Variants in ESRRG observed in about 807,000 individuals in gnomAD.
The protein encoded by ESRRG is estrogen related receptor gamma.
Under a neutral mutation model 44.0 loss-of-function variants are expected in ESRRG, and 13 were observed. The observed-to-expected ratio is 0.30, with a 90% CI of 0.19 to 0.47. The LOEUF is 0.47. Ranked by LOEUF, ESRRG falls within the 20% of genes least tolerant of loss-of-function variation. The pLI, the probability that ESRRG is intolerant of heterozygous loss-of-function variation, is 1.00. For synonymous variants in ESRRG, 215 were observed against 214.6 expected (o/e 1.00, Z -0.02); for missense variants, 395 against 580.6 (o/e 0.68, Z 3.29).
upstream of ESRRG, among the ~76,000 whole-genome samples, chr1:217,090,015 A>G (rs747944518): frequency 6.0e-4 from 92 of 152,176 alleles, no homozygotes; most frequent in Non-Finnish European, 9.3e-4. Context: ...CTCTTTTTAA[A>G]AATAAATATC....
chr1:217,119,054 CACAGAT>C (rs1234599009), intron 1 of ESRRG, among the ~76,000 whole-genome samples: 1 of 151,384 alleles, frequency 6.6e-6, no homozygotes, highest in Non-Finnish European at 1.5e-5. Flanking sequence ...TAGATAGAGA[CACAGAT>C]ACAGATACAG....
At chr1:216,767,183 A>G (rs1361280359) in intron 2 of ESRRG, among the ~76,000 whole-genome samples, 2 of 152,106 alleles carry the variant, frequency 1.3e-5, no homozygotes, top group African/African-American at 4.8e-5. Context: ...AACTATCCGT[A>G]GTTAACAAGG....
At chr1:216,612,716 C>G (rs2060842218) in intron 3 of ESRRG, among the ~76,000 whole-genome samples, 1 of 152,184 alleles carries the variant, frequency 6.6e-6, no homozygotes, top group African/African-American at 2.4e-5. Context: ...AATAAAAACT[C>G]AGGTTCTTCC....
At chr1:216,851,794 A>AT (rs993223626) in intron 2 of ESRRG, among the ~76,000 whole-genome samples, 8 of 152,282 alleles carry the variant, frequency 5.3e-5, no homozygotes, top group Admixed American at 1.3e-4. Flanking sequence ...GGATCCTTTT[A>AT]TTTTTTCCTG....
At chr1:217,114,667 CTTTTTTTTTT>C (rs139701773) in intron 1 of ESRRG, among the ~76,000 whole-genome samples, 1 of 107,254 alleles carries the variant, frequency 9.3e-6, no homozygotes, top group Non-Finnish European at 1.8e-5. Flanking sequence ...CAAAAGATTT[CTTTTTTTTTT>C]TTTTTTTTTT....
intron 1 of ESRRG, among the ~76,000 whole-genome samples, chr1:217,042,810 G>T (rs1188179530): frequency 6.6e-6 from 1 of 152,088 alleles, no homozygotes; most frequent in African/African-American, 2.4e-5. Flanking sequence ...ATTTGGCAAG[G>T]AGTGGTGAAC....
chr1:216,774,685 A>C (rs774966845), intron 2 of ESRRG, among the ~76,000 whole-genome samples: 15 of 152,116 alleles, frequency 9.9e-5, no homozygotes, highest in Non-Finnish European at 1.6e-4. Context: ...CACTAAATCC[A>C]CACTCTGATT....
chr1:216,645,391 T>C (rs1227844554), intron 3 of ESRRG, among the ~76,000 whole-genome samples: 1 of 152,086 alleles, frequency 6.6e-6, no homozygotes, highest in Non-Finnish European at 1.5e-5. Context: ...TGTCATATAT[T>C]GGAATAATGT....
intron 2 of ESRRG, among the ~76,000 whole-genome samples, chr1:216,662,462 G>A (rs538817731): frequency 2.0e-5 from 3 of 152,124 alleles, no homozygotes; most frequent in Non-Finnish European, 4.4e-5. Context: ...GGCGAGGAAA[G>A]CCCAGAAAAC....
At chr1:217,133,152 T>C (rs1415325272) in intron 1 of ESRRG, among the ~76,000 whole-genome samples, 1 of 152,196 alleles carries the variant, frequency 6.6e-6, no homozygotes, top group African/African-American at 2.4e-5. Flanking sequence ...TAGAAAGCTA[T>C]GGCCAGCATT....
At chr1:216,523,501 T>G (rs200728902) in intron 5 of ESRRG, among the ~76,000 whole-genome samples, 3 of 74,354 alleles carry the variant, frequency 4.0e-5, no homozygotes, top group East Asian at 9.7e-4. Flanking sequence ...TTTTTTTTTT[T>G]GTTTTTTTTT....
intron 2 of ESRRG, among the ~76,000 whole-genome samples, chr1:216,821,692 AT>A (rs66516434): frequency 0.32 from 16,703 of 52,542 alleles, 3,838 homozygotes; most frequent in African/African-American, 0.43. Context: ...CTCAGGAAAA[AT>A]AAATAAATAA....
intron 2 of ESRRG, among the ~76,000 whole-genome samples, chr1:216,876,799 G>T (rs780820987): frequency 2.0e-5 from 3 of 152,004 alleles, no homozygotes; most frequent in Non-Finnish European, 4.4e-5. Context: ...TGACCTACCC[G>T]CAGTCATGTT....
At chr1:216,578,239 T>C (rs896022759) in intron 3 of ESRRG, among the ~76,000 whole-genome samples, 1 of 152,110 alleles carries the variant, frequency 6.6e-6, no homozygotes, top group Non-Finnish European at 1.5e-5. Flanking sequence ...AAGCGAGAGA[T>C]GTCTTGTTAC....
At chr1:216,929,403 A>C (rs1334455684) in intron 2 of ESRRG, among the ~76,000 whole-genome samples, 2 of 152,232 alleles carry the variant, frequency 1.3e-5, no homozygotes, top group Non-Finnish European at 2.9e-5. Flanking sequence ...CAAAAAGGCA[A>C]TACATCTCCC....
Position 216,829,619 on chromosome 1 carries a change from A to T in ESRRG, c.-14+109963T>A, listed in dbSNP as rs1577015341. Among the ~76,000 whole-genome samples, 5 of 147,902 alleles carry T rather than the reference A, an allele frequency of 3.4e-5. No individual in the cohort carries two copies. The Admixed American group carries it at 3.4e-4, about 10-fold the overall frequency. On this transcript the variant is annotated intron_variant, in intron 2 of 7. Coordinates refer to the ESRRG transcript ENST00000359162. ...GCCCAGGCTGGAATGCAGTGGCGCC[A>T]TCTTGGCTCACTCCAACCTCCGCCT...
chr1:216,991,124 C>T (rs567322309), intron 1 of ESRRG, among the ~76,000 whole-genome samples: 11 of 152,100 alleles, frequency 7.2e-5, no homozygotes, highest in African/African-American at 2.2e-4. Flanking sequence ...ATCTAGTTTG[C>T]GTGCTCCTTA....
intron 2 of ESRRG, among the ~76,000 whole-genome samples, chr1:216,782,499 T>C (rs2093971879): frequency 6.6e-6 from 1 of 152,110 alleles, no homozygotes. Context: ...CTCAATCACC[T>C]TTTAACTTAT....
At chr1:216,961,814 GAGA>G (rs2069152110) in intron 1 of ESRRG, among the ~76,000 whole-genome samples, 1 of 151,972 alleles carries the variant, frequency 6.6e-6, no homozygotes, top group South Asian at 2.1e-4. Flanking sequence ...TCAATTGAAC[GAGA>G]AGGTCATTGA....
Sources: gnomAD v4.1 joint callset for allele counts (sites outside exome capture counted in the v4.1 genomes callset) on GRCh38, gnomAD v4.1.1 for gene constraint, MANE v1.5 for transcripts, NCBI Gene and HGNC (gene_info 2026-07-23, HGNC 2026-07-21) for gene names.